RIMS2: variants seen among roughly 807,000 people sequenced by gnomAD.
RIMS2 encodes the protein regulating synaptic membrane exocytosis 2.
RIMS2 carries 59 observed loss-of-function variants against 174.4 expected under a neutral mutation model. The observed-to-expected ratio is 0.34, with a 90% CI of 0.27 to 0.42. RIMS2 has a LOEUF of 0.42. Ranked by LOEUF, RIMS2 falls within the 10% of genes least tolerant of loss-of-function variation. The pLI is 1.00. For missense variants in RIMS2, 1,620 were observed against 1,666.3 expected, an observed-to-expected ratio of 0.97 and a Z score of 0.48; for synonymous variants, 606 against 572.5, an observed-to-expected ratio of 1.06 and a Z score of -0.84.
chr8:104,247,091 A>G (rs961133101), intron 20 of RIMS2, among the ~76,000 whole-genome samples: 7 of 152,156 alleles, frequency 4.6e-5, no homozygotes, highest in Non-Finnish European at 8.8e-5. Flanking sequence ...GGTGGCTTGG[A>G]CCAGAGTGTA....
At chr8:104,241,413 A>G (rs1326034338) in intron 19 of RIMS2, among the ~76,000 whole-genome samples, 2 of 152,170 alleles carry the variant, frequency 1.3e-5, no homozygotes, top group African/African-American at 4.8e-5. Flanking sequence ...TTACATGCTT[A>G]TCATATTATT....
intron 19 of RIMS2, among the ~76,000 whole-genome samples, chr8:104,039,094 T>C (rs1444325597): frequency 6.6e-6 from 1 of 151,814 alleles, no homozygotes; most frequent in African/African-American, 2.4e-5. Flanking sequence ...ATATTCCTTA[T>C]AAGAATGAAA....
intron 2 of RIMS2, among the ~76,000 whole-genome samples, chr8:103,717,003 A>G (rs1207851710): frequency 6.6e-6 from 1 of 152,148 alleles, no homozygotes; most frequent in Non-Finnish European, 1.5e-5. Flanking sequence ...CTGCAAATAT[A>G]GATAAAAATC....
chr8:103,847,524 T>C (rs1001325852), intron 3 of RIMS2, among the ~76,000 whole-genome samples: 1 of 152,056 alleles, frequency 6.6e-6, no homozygotes, highest in African/African-American at 2.4e-5. Flanking sequence ...GTCTTAAATA[T>C]GTTATGTGGT....
intron 1 of RIMS2, among the ~76,000 whole-genome samples, chr8:103,670,978 G>A (rs983575342): frequency 6.6e-6 from 1 of 152,114 alleles, no homozygotes; most frequent in African/African-American, 2.4e-5. Flanking sequence ...TGTTGATAAT[G>A]ACATACTTGA....
At chr8:103,747,387 G>A (rs1228417970) in intron 2 of RIMS2, among the ~76,000 whole-genome samples, 1 of 151,164 alleles carries the variant, frequency 6.6e-6, no homozygotes, top group East Asian at 1.9e-4. Context: ...TAAGGAGTTT[G>A]GCATTTATTT....
At chr8:103,531,066 TA>T (rs1237119210) in intron 1 of RIMS2, among the ~76,000 whole-genome samples, 1 of 151,138 alleles carries the variant, frequency 6.6e-6, no homozygotes, top group Non-Finnish European at 1.5e-5. Flanking sequence ...AGATTATCAG[TA>T]GATCAAGCAG....
intron 3 of RIMS2, chr8:103,819,419 G>T (rs534654107): frequency 1.9e-6 from 3 of 1,584,572 alleles, no homozygotes; most frequent in African/African-American, 2.7e-5. Context: ...CTTGATTGGC[G>T]TGTTTTTATT....
chr8:103,860,702 C>T (rs1362283395), intron 3 of RIMS2, among the ~76,000 whole-genome samples: 2 of 151,640 alleles, frequency 1.3e-5, no homozygotes, highest in Non-Finnish European at 2.9e-5. Context: ...GAAAATATGA[C>T]AAATTTTTCT....
chr8:104,060,377 T>C (rs1381740306), intron 19 of RIMS2, among the ~76,000 whole-genome samples: 1 of 151,896 alleles, frequency 6.6e-6, no homozygotes, highest in Non-Finnish European at 1.5e-5. Context: ...TGTAGTATTC[T>C]CTGATGGTAG....
intron 1 of RIMS2, among the ~76,000 whole-genome samples, chr8:103,614,227 A>G (rs766895606): frequency 3.3e-5 from 5 of 152,204 alleles, no homozygotes; most frequent in African/African-American, 4.8e-5. Context: ...GGGTTGGGCA[A>G]TTTCCCCCTG....
In RIMS2 at chr8:103,954,152, G is replaced by A. The variant is rs562152391; in HGVS notation, c.2702-6913G>A. ...AGACTTATACTCCCACACAATAATA[G>A]TGGGAGACTTTAACACCCCACTGTC... On this transcript the variant is annotated intron_variant, in intron 14 of 23. Transcript: ENST00000504942. Among the ~76,000 whole-genome samples the A allele has an allele frequency of 5.9e-5, 9 of 152,086 alleles. No homozygotes were observed. In the East Asian group the frequency reaches 9.7e-4, roughly 16 times the overall value.
intron 3 of RIMS2, among the ~76,000 whole-genome samples, chr8:103,858,699 GTA>G (rs139981712): frequency 0.16 from 23,135 of 145,202 alleles, 1,904 homozygotes; most frequent in Middle Eastern, 0.25. Context: ...ATATATACGT[GTA>G]TATATATATA....
chr8:103,503,670 A>G (rs544667509), intron 1 of RIMS2, among the ~76,000 whole-genome samples: 11 of 152,160 alleles, frequency 7.2e-5, no homozygotes, highest in Admixed American at 6.5e-4. Flanking sequence ...AGATACTGCA[A>G]TGGTTAGATA....
chr8:103,731,309 G>C (rs79094166), intron 2 of RIMS2, among the ~76,000 whole-genome samples: 18,898 of 152,180 alleles, frequency 0.12, 1,277 homozygotes, highest in Middle Eastern at 0.22. Context: ...TTTCCACTGA[G>C]AAGTCTGCTG....
intron 3 of RIMS2, among the ~76,000 whole-genome samples, chr8:103,866,779 G>A (rs1594152285): frequency 6.6e-6 from 1 of 152,086 alleles, no homozygotes; most frequent in Non-Finnish European, 1.5e-5. Flanking sequence ...ATTGTAGGAA[G>A]TATTTTGGCT....
At chr8:104,214,874 G>A (rs948999809) in intron 19 of RIMS2, among the ~76,000 whole-genome samples, 1 of 152,178 alleles carries the variant, frequency 6.6e-6, no homozygotes, top group African/African-American at 2.4e-5. Context: ...ATAGAACTAC[G>A]TTCAAGCAAC....
intron 19 of RIMS2, among the ~76,000 whole-genome samples, chr8:104,062,752 T>A (rs1478185988): frequency 1.3e-5 from 2 of 152,170 alleles, no homozygotes; most frequent in African/African-American, 4.8e-5. Flanking sequence ...TTGGCTTTTT[T>A]AGTTTTGTTC....
intron 19 of RIMS2, among the ~76,000 whole-genome samples, chr8:104,027,929 T>G (rs2096290110): frequency 6.6e-6 from 1 of 152,008 alleles, no homozygotes; most frequent in African/African-American, 2.4e-5. Context: ...ATAAATGAAT[T>G]TATGCTATTT....
Sources: allele counts gnomAD v4.1 joint callset (sites outside exome capture counted in the v4.1 genomes callset), GRCh38; gene constraint gnomAD v4.1.1; transcripts MANE v1.5; gene names NCBI Gene and HGNC (gene_info 2026-07-23, HGNC 2026-07-21).